The following ATG5 variants were observed in gnomAD, a reference collection of about 807,000 sequenced individuals.
ATG5 encodes the protein autophagy protein 5.
In ATG5, 14 loss-of-function variants were observed where a neutral mutation model predicts 36.5. The ratio of observed to expected loss-of-function variants is 0.38; its 90% CI spans 0.25 to 0.60. ATG5 has a LOEUF of 0.60. Ranked by LOEUF, ATG5 falls within the 20% of genes least tolerant of loss-of-function variation. The pLI, the probability that ATG5 is intolerant of heterozygous loss-of-function variation, is 0.60. For synonymous variants in ATG5, 95 were observed against 101.5 expected (o/e 0.94, Z 0.38); for missense variants, 195 against 326.7 (o/e 0.60, Z 3.11).
intron 5 of ATG5, among the ~76,000 whole-genome samples, chr6:106,259,692 TAG>T (rs1468613887): frequency 1.3e-5 from 2 of 152,222 alleles, no homozygotes; most frequent in African/African-American, 4.8e-5. Flanking sequence ...AAAAGAGTTA[TAG>T]AGTTTTTTAA....
At chr6:106,217,737 T>C (rs1777095401) in intron 6 of ATG5, 1 of 152,228 alleles carries the variant, frequency 6.6e-6, no homozygotes, top group Non-Finnish European at 1.5e-5. Context: ...ATTACTTATA[T>C]GGCTTGTCCT....
intron 3 of ATG5, among the ~76,000 whole-genome samples, chr6:106,298,575 A>G (rs1562263124): frequency 6.6e-6 from 1 of 152,116 alleles, no homozygotes; most frequent in Non-Finnish European, 1.5e-5. Flanking sequence ...ATAAAGTATT[A>G]ACATAAAAAC....
intron 5 of ATG5, among the ~76,000 whole-genome samples, chr6:106,250,256 T>G (rs1778519055): frequency 1.3e-5 from 2 of 151,388 alleles, no homozygotes; most frequent in African/African-American, 4.9e-5. Flanking sequence ...AACTGTATAT[T>G]TTTAAAAAAT....
intron 6 of ATG5, among the ~76,000 whole-genome samples, chr6:106,238,368 C>G (rs998532471): frequency 6.6e-6 from 1 of 152,182 alleles, no homozygotes; most frequent in Non-Finnish European, 1.5e-5. Flanking sequence ...GTATTAAAGA[C>G]AGCTTACCCC....
rs956534092 is a variant in ATG5 at position 106,201,039 on chromosome 6, T to C, written c.691+933A>G. ...GCACATGTGTGCTTTAAATCATTCA[T>C]CTCTAGATTACTTGTAATATTTAAT... On this transcript the variant is annotated intron_variant, in intron 7 of 7. Transcript: ENST00000369076. Among the ~76,000 whole-genome samples the C allele has an allele frequency of 3.9e-5, 6 of 152,316 alleles. No individual in the cohort carries two copies. The East Asian group carries it at 1.2e-3, about 29-fold the overall frequency.
At chr6:106,287,617 A>C (rs1163269698) in intron 4 of ATG5, among the ~76,000 whole-genome samples, 1 of 152,168 alleles carries the variant, frequency 6.6e-6, no homozygotes, top group Non-Finnish European at 1.5e-5. Flanking sequence ...GAAAAACACC[A>C]AGGTTTTATA....
intron 6 of ATG5, among the ~76,000 whole-genome samples, chr6:106,247,864 A>G (rs981550610): frequency 2.0e-5 from 3 of 152,196 alleles, no homozygotes; most frequent in Non-Finnish European, 2.9e-5. Flanking sequence ...CACCACTCTG[A>G]ATGACCGTAA....
At chr6:106,273,787 A>G (rs545392962) in intron 5 of ATG5, among the ~76,000 whole-genome samples, 1 of 152,300 alleles carries the variant, frequency 6.6e-6, no homozygotes, top group East Asian at 1.9e-4. Context: ...TGCAATGACA[A>G]CCCACCAGTC....
At chr6:106,289,952 AG>A (rs1305255984) in intron 4 of ATG5, among the ~76,000 whole-genome samples, 2 of 152,120 alleles carry the variant, frequency 1.3e-5, no homozygotes, top group Non-Finnish European at 2.9e-5. Context: ...GTTTAAAAGA[AG>A]TATTTTAATA....
At chr6:106,207,493 G>T (rs1456710112) in intron 6 of ATG5, among the ~76,000 whole-genome samples, 2 of 151,392 alleles carry the variant, frequency 1.3e-5, no homozygotes, top group Non-Finnish European at 2.9e-5. Context: ...TTGAGCCCAT[G>T]AGTTTGAGAC....
chr6:106,273,192 C>T (rs972927631), intron 5 of ATG5, among the ~76,000 whole-genome samples: 1 of 152,146 alleles, frequency 6.6e-6, no homozygotes, highest in Non-Finnish European at 1.5e-5. Flanking sequence ...TTTTACACCA[C>T]CTGCAACTAC....
intron 5 of ATG5, among the ~76,000 whole-genome samples, chr6:106,265,941 A>G (rs1035383376): frequency 6.6e-6 from 1 of 152,192 alleles, no homozygotes; most frequent in Non-Finnish European, 1.5e-5. Flanking sequence ...AAAGAATTAG[A>G]GAAGCAAGAG....
chr6:106,313,533 G>A (rs1241623350), intron 2 of ATG5, among the ~76,000 whole-genome samples: 1 of 152,102 alleles, frequency 6.6e-6, no homozygotes, highest in Non-Finnish European at 1.5e-5. Context: ...TAAATGAAAA[G>A]CAACAGTTTA....
intron 5 of ATG5, among the ~76,000 whole-genome samples, chr6:106,272,718 A>C (rs1186214627): frequency 6.6e-6 from 1 of 152,226 alleles, no homozygotes; most frequent in Non-Finnish European, 1.5e-5. Flanking sequence ...AGAGGCTGGC[A>C]CATAGTAGGT....
intron 5 of ATG5, among the ~76,000 whole-genome samples, chr6:106,266,084 CA>C (rs1252151098): frequency 6.8e-6 from 1 of 147,812 alleles, no homozygotes; most frequent in East Asian, 2.0e-4. Flanking sequence ...AAAAGATTAA[CA>C]AAATAGACCA....
intron 1 of ATG5, among the ~76,000 whole-genome samples, chr6:106,322,823 T>G (rs547382131): frequency 6.6e-6 from 1 of 152,352 alleles, no homozygotes; most frequent in African/African-American, 2.4e-5. Flanking sequence ...ACTGGCTGGC[T>G]TCACATATAC....
chr6:106,226,521 A>G (rs1234802564), intron 6 of ATG5, among the ~76,000 whole-genome samples: 2 of 152,190 alleles, frequency 1.3e-5, no homozygotes, highest in African/African-American at 4.8e-5. Context: ...GTTATTTTAA[A>G]TATGCGCAAA....
At chr6:106,206,044 A>G (rs79933283) in intron 6 of ATG5, among the ~76,000 whole-genome samples, 2 of 152,196 alleles carry the variant, frequency 1.3e-5, no homozygotes, top group African/African-American at 2.4e-5. Context: ...CGACAAAAAA[A>G]TACTCAATTT....
rs1562252734 is a variant in ATG5 at position 106,279,824 on chromosome 6, C to CT, written c.316-2dup. The stretch of plus-strand genomic sequence containing the variant: ...GCAGAAGGTCTTTTTCTGGAAAACT[C>CT]TATCAAAGGAAAAAATATACATATA... On this transcript the variant is annotated splice_acceptor_variant, in intron 4 of 7. Coordinates refer to ENST00000369076, the MANE Select transcript of ATG5 (RefSeq NM_004849.4). LOFTEE classifies it high-confidence loss of function. 8.8e-6 allele frequency: 13 copies of CT among 1,485,054 alleles called. No individual in the cohort carries two copies. The highest frequency in any genetic ancestry group is 1.2e-5 in the Non-Finnish European group (13 of 1,112,424). The allele number at this position is 1,485,054 out of a possible 1,614,324, so 92.0% of individuals were successfully genotyped here. A position where few individuals can be genotyped will look rare whatever the true frequency, so the allele number is the denominator to read the frequency against.
Sources: gnomAD v4.1 joint callset for allele counts (sites outside exome capture counted in the v4.1 genomes callset) on GRCh38, gnomAD v4.1.1 for gene constraint, MANE v1.5 for transcripts, NCBI Gene and HGNC (gene_info 2026-07-23, HGNC 2026-07-21) for gene names.